The following WDR7 variants were observed in gnomAD, a reference collection of about 807,000 sequenced individuals.
WDR7 encodes the protein WD repeat-containing protein 7.
In WDR7, 46 loss-of-function variants were observed where a neutral mutation model predicts 169.4. That is an observed-to-expected ratio of 0.27 (90% CI 0.21 to 0.35). The LOEUF (loss-of-function observed/expected upper bound fraction) is 0.35, where lower values mean the gene tolerates loss of function less well. Among genes scored for constraint, WDR7 ranks in the 10% least tolerant of loss-of-function variants. The pLI is 1.00. For synonymous variants in WDR7, 612 were observed against 666.8 expected (o/e 0.92, Z 1.27); for missense variants, 1,534 against 1,859.3 (o/e 0.83, Z 3.22).
intron 26 of WDR7, among the ~76,000 whole-genome samples, chr18:56,993,413 A>T (rs1208716544): frequency 6.6e-6 from 1 of 152,114 alleles, no homozygotes; most frequent in African/African-American, 2.4e-5. Context: ...CTATAATGAG[A>T]TGAGGCTGCC....
At chr18:56,800,230 T>C (rs1206071127) in intron 19 of WDR7, among the ~76,000 whole-genome samples, 1 of 152,192 alleles carries the variant, frequency 6.6e-6, no homozygotes, top group Non-Finnish European at 1.5e-5. Context: ...ATTCTCTAAA[T>C]CATTGGTTAG....
intron 21 of WDR7, among the ~76,000 whole-genome samples, chr18:56,922,635 G>A (rs1489860980): frequency 6.6e-6 from 1 of 152,120 alleles, no homozygotes; most frequent in Admixed American, 6.6e-5. Context: ...TGCAGAATTT[G>A]ATGGGTATGA....
intron 14 of WDR7, among the ~76,000 whole-genome samples, chr18:56,750,021 G>A (rs1015506611): frequency 2.6e-5 from 4 of 151,834 alleles, no homozygotes; most frequent in African/African-American, 9.7e-5. Context: ...GTGTGTGTGT[G>A]CGTGTGTGTG....
intron 20 of WDR7, among the ~76,000 whole-genome samples, chr18:56,875,106 A>G (rs1197116915): frequency 1.3e-5 from 2 of 152,204 alleles, no homozygotes; most frequent in Non-Finnish European, 2.9e-5. Context: ...TGTATACTAT[A>G]AAGTCGTGTC....
intron 12 of WDR7, among the ~76,000 whole-genome samples, chr18:56,709,064 G>A: frequency 6.6e-6 from 1 of 152,124 alleles, no homozygotes. Context: ...ATATTTTAAA[G>A]GCATGAAGTG....
intron 2 of WDR7, among the ~76,000 whole-genome samples, chr18:56,676,184 CCTATTT>C (rs942583479): frequency 2.5e-4 from 38 of 152,134 alleles, no homozygotes; most frequent in African/African-American, 8.7e-4. Flanking sequence ...TCTAAGTGTA[CCTATTT>C]CTGCTTTTTT....
chr18:56,696,087 A>T (rs2025697004), intron 11 of WDR7, among the ~76,000 whole-genome samples, 155 bp from the exon 12 acceptor site: 1 of 152,246 alleles, frequency 6.6e-6, no homozygotes, highest in African/African-American at 2.4e-5. Context: ...TGGCTAGTAG[A>T]TACTGAATTA....
intron 19 of WDR7, among the ~76,000 whole-genome samples, chr18:56,795,560 T>C (rs1186678891): frequency 6.6e-6 from 1 of 152,186 alleles, no homozygotes; most frequent in Non-Finnish European, 1.5e-5. Flanking sequence ...ACAACATCCA[T>C]GTAATGACTC....
intron 20 of WDR7, among the ~76,000 whole-genome samples, chr18:56,877,613 G>A (rs901534413): frequency 7.2e-5 from 11 of 152,282 alleles, no homozygotes; most frequent in African/African-American, 2.4e-4. Context: ...AGCAAATTTA[G>A]TTCAGGGTCT....
At position 56,938,439 on chromosome 18, in the gene WDR7, T is replaced by C; in HGVS notation, c.3832-94T>C. 2.0e-6 allele frequency: 3 copies of C among 1,466,002 alleles called. No individual in the cohort carries two copies. The South Asian group carries it at 4.1e-5, about 20-fold the overall frequency. The allele number at this position is 1,466,002 out of a possible 1,614,324, so 90.8% of individuals were successfully genotyped here. On this transcript the variant is annotated intron_variant, in intron 23 of 27. Coordinates refer to ENST00000254442, the MANE Select transcript of WDR7 (RefSeq NM_015285.3). ...ACTCACCCACAAGAAGTTTATTTTTTTCTATAGTATTAGAAAGTAAAAAAT... is the reference window on the plus strand; with the variant it reads ...ACTCACCCACAAGAAGTTTATTTTTCTCTATAGTATTAGAAAGTAAAAAAT...
At chr18:56,993,728 G>A (rs974514859) in intron 26 of WDR7, among the ~76,000 whole-genome samples, 4 of 152,090 alleles carry the variant, frequency 2.6e-5, no homozygotes, top group African/African-American at 9.7e-5. Flanking sequence ...AGATGAGTGT[G>A]TGTTTTTCCT....
intron 20 of WDR7, among the ~76,000 whole-genome samples, chr18:56,874,222 C>G (rs1218009385): frequency 6.6e-6 from 1 of 152,090 alleles, no homozygotes; most frequent in African/African-American, 2.4e-5. Flanking sequence ...TTAAATATCA[C>G]TTTTTCTAGA....
intron 1 of WDR7, among the ~76,000 whole-genome samples, chr18:56,667,010 G>T (rs775999457): frequency 1.3e-5 from 2 of 151,590 alleles, no homozygotes; most frequent in Non-Finnish European, 2.9e-5. Context: ...GAAATGACTT[G>T]GTTTGGCAAA....
Position 56,844,888 on chromosome 18 carries a change from TAGAG to T in WDR7, c.3304+28752_3304+28755del, listed in dbSNP as rs557626219. Among the ~76,000 whole-genome samples, 17 of 152,296 alleles carry T rather than the reference TAGAG, an allele frequency of 1.1e-4. No homozygotes were observed. The South Asian group carries it at 3.5e-3, about 32-fold the overall frequency. ...TCATGGTACAATACAGTAAGATATT[TAGAG>T]AGAGAGACCACATTCATATAATTAT... On this transcript the variant is annotated intron_variant, in intron 20 of 27. Transcript: ENST00000254442.
Position 56,678,376 on chromosome 18 carries a change from T to C in WDR7, c.160-956T>C, listed in dbSNP as rs75581365. ...CCATGGAGGAATTAAGTATTTATTG[T>C]ATTCTTCACTGTCTGGACTTGTTTG... On this transcript the variant is annotated intron_variant, in intron 2 of 27. Transcript: ENST00000254442. Among the ~76,000 whole-genome samples, 918 of 152,356 alleles carry C rather than the reference T, an allele frequency of 6.0e-3. 10 individuals are homozygous for C. The highest frequency in any genetic ancestry group is 0.021 in the African/African-American group (882 of 41,590).
chr18:56,982,989 A>G (rs1314684893), intron 26 of WDR7, among the ~76,000 whole-genome samples: 1 of 152,108 alleles, frequency 6.6e-6, no homozygotes, highest in Non-Finnish European at 1.5e-5. Flanking sequence ...CATGTCACAC[A>G]CTCCTCAGCT....
At chr18:56,794,998 A>G (rs968528540) in intron 19 of WDR7, among the ~76,000 whole-genome samples, 10 of 152,198 alleles carry the variant, frequency 6.6e-5, no homozygotes, top group African/African-American at 1.7e-4. Context: ...GTTAGCTAGA[A>G]TACTTCTCTA....
intron 20 of WDR7, among the ~76,000 whole-genome samples, chr18:56,850,018 T>C (rs1201455174): frequency 1.3e-5 from 2 of 152,156 alleles, no homozygotes; most frequent in Non-Finnish European, 2.9e-5. Flanking sequence ...GTTTCATGAA[T>C]GTGGCCTTCA....
chr18:56,655,155 T>C (rs1175220115), intron 1 of WDR7, among the ~76,000 whole-genome samples: 1 of 152,242 alleles, frequency 6.6e-6, no homozygotes, highest in Non-Finnish European at 1.5e-5. Flanking sequence ...AGAGGTCTGG[T>C]TTCCTCCAGT....
Sources: gnomAD v4.1 joint callset for allele counts (sites outside exome capture counted in the v4.1 genomes callset) on GRCh38, gnomAD v4.1.1 for gene constraint, MANE v1.5 for transcripts, NCBI Gene and HGNC (gene_info 2026-07-23, HGNC 2026-07-21) for gene names.